The following ASIC2 variants were observed in gnomAD, a reference collection of about 807,000 sequenced individuals.
ASIC2 encodes acid-sensing ion channel 2.
ASIC2 carries 25 observed loss-of-function variants against 57.3 expected under a neutral mutation model. The observed-to-expected ratio is 0.44, with a 90% CI of 0.32 to 0.61. The LOEUF (loss-of-function observed/expected upper bound fraction) is 0.61. Ranked by LOEUF, ASIC2 falls within the 20% of genes least tolerant of loss-of-function variation. ASIC2 has a pLI of 0.06. For missense variants in ASIC2, 641 were observed against 738.1 expected (o/e 0.87, Z 1.52); for synonymous variants, 319 against 307.5 (o/e 1.04, Z -0.39).
intron 1 of ASIC2, among the ~76,000 whole-genome samples, chr17:33,481,947 G>T: frequency 6.6e-6 from 1 of 152,076 alleles, no homozygotes; most frequent in Non-Finnish European, 1.5e-5. Context: ...ATTTTATGCC[G>T]ATAGCACCTG....
At chr17:33,900,985 CTT>C (rs1312859203) in intron 1 of ASIC2, among the ~76,000 whole-genome samples, 1 of 152,180 alleles carries the variant, frequency 6.6e-6, no homozygotes, top group East Asian at 1.9e-4. Context: ...GGCTATGGCT[CTT>C]TTGATTTAGG....
intron 3 of ASIC2, among the ~76,000 whole-genome samples, chr17:33,040,544 TGGTGGTA>T (rs1489880346): frequency 1.3e-5 from 2 of 152,192 alleles, no homozygotes; most frequent in Non-Finnish European, 2.9e-5. Flanking sequence ...CCAGGACAGA[TGGTGGTA>T]GGTGGATGGG....
Position 33,799,377 on chromosome 17 carries a change from C to CCTTTCTTT in ASIC2, c.555+356593_555+356600dup, listed in dbSNP as rs150337011. On this transcript the variant is annotated intron_variant, in intron 1 of 9. Coordinates refer to the ASIC2 transcript ENST00000359872. Reference sequence around the variant, plus strand: ...CTCTTTCTTTCTTTCTTTCTTTCTTCCTTTCTTTCTTTCTTTCTTTCTTTC... The same window carrying CCTTTCTTT: ...CTCTTTCTTTCTTTCTTTCTTTCTTCCTTTCTTTCTTTCTTTCTTTCTTTCTTTCTTTC... Among the ~76,000 whole-genome samples the CCTTTCTTT allele has an allele frequency of 1.4e-3, 59 of 40,946 alleles. 2 individuals are homozygous for CCTTTCTTT. The highest frequency in any genetic ancestry group is 0.011 in the Middle Eastern group (1 of 90). The allele number at this position is 40,946 out of a possible 152,430, so 26.9% of individuals were successfully genotyped here.
rs535920697 is a variant in ASIC2 at position 33,785,996 on chromosome 17, A to G, written c.555+369982T>C. On this transcript the variant is annotated intron_variant, in intron 1 of 9. Transcript: ENST00000359872. ...TGCTGCAATGTCATTACTATGTTCC[A>G]TTCTCCCAGTGTGGAAACTGAGTCT... Among the ~76,000 whole-genome samples, 11 of 152,268 alleles carry G rather than the reference A, an allele frequency of 7.2e-5. No homozygotes were observed. In the East Asian group the frequency reaches 1.2e-3, roughly 16 times the overall value.
chr17:33,480,305 T>G (rs1449791780), intron 1 of ASIC2, among the ~76,000 whole-genome samples: 1 of 151,948 alleles, frequency 6.6e-6, no homozygotes, highest in African/African-American at 2.4e-5. Context: ...CAGGGTGCTG[T>G]GAGCAATAGT....
chr17:33,264,307 A>G (rs1290512103), intron 1 of ASIC2, among the ~76,000 whole-genome samples: 1 of 152,252 alleles, frequency 6.6e-6, no homozygotes, highest in Non-Finnish European at 1.5e-5. Context: ...CAGAGCCATG[A>G]ATCAAGCACT....
chr17:33,582,760 C>A (rs1904485950), intron 1 of ASIC2, among the ~76,000 whole-genome samples: 1 of 152,126 alleles, frequency 6.6e-6, no homozygotes, highest in African/African-American at 2.4e-5. Flanking sequence ...CCCACCCCCT[C>A]ATACACACTC....
intron 1 of ASIC2, among the ~76,000 whole-genome samples, chr17:33,241,567 G>T (rs1455895804): frequency 6.6e-6 from 1 of 152,200 alleles, no homozygotes; most frequent in Non-Finnish European, 1.5e-5. Flanking sequence ...TAGTCATAAA[G>T]ATAACATTTT....
chr17:33,668,854 G>A (rs1420097395), intron 1 of ASIC2, among the ~76,000 whole-genome samples: 1 of 152,218 alleles, frequency 6.6e-6, no homozygotes, highest in African/African-American at 2.4e-5. Flanking sequence ...TGTGCTCAGT[G>A]CAGTAGCAGA....
chr17:33,111,850 A>G, intron 2 of ASIC2, 67 bp downstream of exon 2: 2 of 1,541,258 alleles, frequency 1.3e-6, no homozygotes, highest in Non-Finnish European at 1.7e-6. Context: ...ACAGCTCACC[A>G]GCCTTTCAGA....
intron 1 of ASIC2, among the ~76,000 whole-genome samples, chr17:33,644,759 T>G (rs1007230400): frequency 1.3e-5 from 2 of 152,200 alleles, no homozygotes; most frequent in African/African-American, 4.8e-5. Context: ...TAAATAGATA[T>G]TTTCTACCTG....
At chr17:34,021,580 C>T (rs1907159551) in intron 1 of ASIC2, among the ~76,000 whole-genome samples, 2 of 152,182 alleles carry the variant, frequency 1.3e-5, no homozygotes, top group Admixed American at 6.5e-5. Flanking sequence ...AGGGAGGAAA[C>T]TCTTGTTCCC....
intron 1 of ASIC2, among the ~76,000 whole-genome samples, chr17:33,970,585 C>G (rs1419082539): frequency 6.6e-6 from 1 of 152,220 alleles, no homozygotes; most frequent in East Asian, 1.9e-4. Context: ...GGCCTCCACT[C>G]CAACCTGGGT....
intron 1 of ASIC2, among the ~76,000 whole-genome samples, chr17:33,248,382 A>T (rs1908766229): frequency 6.6e-6 from 1 of 152,218 alleles, no homozygotes. Context: ...TTTTCGTTGA[A>T]TGAGAGAGGC....
chr17:33,918,944 A>G (rs897251557), intron 1 of ASIC2, among the ~76,000 whole-genome samples: 2 of 152,168 alleles, frequency 1.3e-5, no homozygotes, highest in Non-Finnish European at 2.9e-5. Context: ...CTGGCTGCCA[A>G]CAAGAGTGGG....
At chr17:33,772,074 T>A (rs1911130239) in intron 1 of ASIC2, among the ~76,000 whole-genome samples, 1 of 152,220 alleles carries the variant, frequency 6.6e-6, no homozygotes. Context: ...CCAGAGACAC[T>A]AGAATCCCTC....
intron 1 of ASIC2, among the ~76,000 whole-genome samples, chr17:33,397,423 T>C (rs1041797028): frequency 1.3e-5 from 2 of 152,210 alleles, no homozygotes; most frequent in East Asian, 1.9e-4. Flanking sequence ...GTAGTCCCTG[T>C]AACTAGCAGG....
intron 1 of ASIC2, among the ~76,000 whole-genome samples, chr17:33,223,861 TCACAGAG>T (rs1907778264): frequency 1.3e-5 from 2 of 152,170 alleles, no homozygotes; most frequent in Non-Finnish European, 2.9e-5. Flanking sequence ...GGGGCCGGGA[TCACAGAG>T]AGTAGAGACC....
intron 1 of ASIC2, among the ~76,000 whole-genome samples, chr17:33,914,535 C>T (rs1169465935): frequency 1.3e-5 from 2 of 152,142 alleles, no homozygotes; most frequent in Non-Finnish European, 2.9e-5. Context: ...ACTGCAGGAA[C>T]AGGCTAAGGG....
Sources: gnomAD v4.1 joint callset for allele counts (sites outside exome capture counted in the v4.1 genomes callset) on GRCh38, gnomAD v4.1.1 for gene constraint, MANE v1.5 for transcripts, NCBI Gene and HGNC (gene_info 2026-07-23, HGNC 2026-07-21) for gene names.